ZNF385B: variants seen among roughly 807,000 people sequenced by gnomAD.
ZNF385B encodes the protein zinc finger protein 385B.
ZNF385B carries 23 observed loss-of-function variants against 39.2 expected under a neutral mutation model. The ratio of observed to expected loss-of-function variants is 0.59; its 90% CI spans 0.42 to 0.83. ZNF385B has a LOEUF of 0.83. Ranked by LOEUF, ZNF385B falls within the 40% of genes least tolerant of loss-of-function variation. The pLI is 0.00. For synonymous variants in ZNF385B, 205 were observed against 222.6 expected (o/e 0.92, Z 0.70); for missense variants, 552 against 598.9 (o/e 0.92, Z 0.82).
chr2:179,582,930 A>C (rs1414504121), intron 3 of ZNF385B, among the ~76,000 whole-genome samples: 1 of 152,008 alleles, frequency 6.6e-6, no homozygotes, highest in Non-Finnish European at 1.5e-5. Flanking sequence ...GTTCACTGCA[A>C]CCTCTGCCTC....
At chr2:179,814,284 T>C (rs1415435466) in intron 1 of ZNF385B, 1 of 234,732 alleles carries the variant, frequency 4.3e-6, no homozygotes, top group Admixed American at 5.4e-5. Context: ...CCACAGCAGC[T>C]GGCAGGTGGA....
At chr2:179,607,666 TAGTC>T (rs1324676617) in intron 3 of ZNF385B, among the ~76,000 whole-genome samples, 2 of 152,072 alleles carry the variant, frequency 1.3e-5, no homozygotes, top group Non-Finnish European at 2.9e-5. Context: ...CAGGAGGTCA[TAGTC>T]AGGGAGTCAG....
intron 3 of ZNF385B, among the ~76,000 whole-genome samples, chr2:179,614,000 T>A (rs1689519745): frequency 6.6e-6 from 1 of 152,108 alleles, no homozygotes; most frequent in African/African-American, 2.4e-5. Flanking sequence ...AGGGCAGCAC[T>A]GAGTTCCAAT....
intron 3 of ZNF385B, among the ~76,000 whole-genome samples, chr2:179,722,147 C>T (rs1397733072): frequency 6.6e-6 from 1 of 151,846 alleles, no homozygotes; most frequent in Non-Finnish European, 1.5e-5. Flanking sequence ...GTATATATAA[C>T]GAGATGTGTG....
intron 3 of ZNF385B, among the ~76,000 whole-genome samples, chr2:179,701,805 C>G (rs1221220535): frequency 6.6e-6 from 1 of 152,116 alleles, no homozygotes; most frequent in Non-Finnish European, 1.5e-5. Context: ...TTTTTAAAGC[C>G]AAAATTTGAA....
At chr2:179,535,452 TTTTTTG>T (rs2059502473) in intron 4 of ZNF385B, among the ~76,000 whole-genome samples, 1 of 152,202 alleles carries the variant, frequency 6.6e-6, no homozygotes, top group Non-Finnish European at 1.5e-5. Context: ...GATATTTAGA[TTTTTTG>T]TTTTTCCTTT....
At chr2:179,480,538 A>G (rs2053878070) in intron 6 of ZNF385B, among the ~76,000 whole-genome samples, 1 of 152,196 alleles carries the variant, frequency 6.6e-6, no homozygotes, top group Non-Finnish European at 1.5e-5. Context: ...TTAACAATAC[A>G]TTAGGTATTA....
At chr2:179,815,340 A>G (rs888543826) in intron 1 of ZNF385B, among the ~76,000 whole-genome samples, 1 of 152,222 alleles carries the variant, frequency 6.6e-6, no homozygotes, top group African/African-American at 2.4e-5. Flanking sequence ...GGAGCAGAAC[A>G]TTCACTGAAC....
At chr2:179,710,016 C>CTCCATT (rs1699887749) in intron 3 of ZNF385B, among the ~76,000 whole-genome samples, 1 of 152,178 alleles carries the variant, frequency 6.6e-6, no homozygotes, top group African/African-American at 2.4e-5. Flanking sequence ...TGGATGGAGG[C>CTCCATT]CCTGGATATT....
intron 6 of ZNF385B, among the ~76,000 whole-genome samples, chr2:179,464,292 G>A (rs2051721245): frequency 6.6e-6 from 1 of 152,152 alleles, no homozygotes; most frequent in Admixed American, 6.5e-5. Context: ...CTCCCATTCT[G>A]TAGGTTGCCT....
intron 6 of ZNF385B, among the ~76,000 whole-genome samples, chr2:179,468,105 G>T (rs1296889330): frequency 6.6e-6 from 1 of 152,162 alleles, no homozygotes; most frequent in African/African-American, 2.4e-5. Flanking sequence ...GTTGTACCTT[G>T]TGCCACTTTG....
intron 3 of ZNF385B, among the ~76,000 whole-genome samples, chr2:179,700,035 T>C (rs943905820): frequency 6.9e-6 from 1 of 145,858 alleles, no homozygotes; most frequent in African/African-American, 2.5e-5. Context: ...TAACATGTTT[T>C]TCAAAACATA....
At chr2:179,716,231 T>C (rs1700321638) in intron 3 of ZNF385B, among the ~76,000 whole-genome samples, 1 of 152,178 alleles carries the variant, frequency 6.6e-6, no homozygotes, top group South Asian at 2.1e-4. Flanking sequence ...AAGGTTTAAG[T>C]AAGAGGAGAG....
intron 3 of ZNF385B, among the ~76,000 whole-genome samples, chr2:179,670,518 T>A (rs1172100447): frequency 6.9e-6 from 1 of 144,266 alleles, no homozygotes; most frequent in Non-Finnish European, 1.5e-5. Context: ...AACTAATAGG[T>A]CTTGAAAATT....
chr2:179,493,744 T>C (rs1296275303), intron 5 of ZNF385B, among the ~76,000 whole-genome samples: 11 of 130,214 alleles, frequency 8.4e-5, no homozygotes, highest in African/African-American at 1.5e-4. Context: ...TATGTATACA[T>C]ATGTGTATAT....
chr2:179,685,466 G>C (rs1254115482), intron 3 of ZNF385B, among the ~76,000 whole-genome samples: 3 of 152,126 alleles, frequency 2.0e-5, no homozygotes, highest in African/African-American at 7.2e-5. Context: ...ATAATAAAAA[G>C]TTCATTGCAT....
intron 5 of ZNF385B, among the ~76,000 whole-genome samples, chr2:179,496,011 G>T (rs1271163989): frequency 6.6e-6 from 1 of 152,040 alleles, no homozygotes. Context: ...AAGACATCAG[G>T]CACCAATCCT....
At chr2:179,693,584 T>C (rs942300017) in intron 3 of ZNF385B, among the ~76,000 whole-genome samples, 2 of 152,178 alleles carry the variant, frequency 1.3e-5, no homozygotes, top group Non-Finnish European at 2.9e-5. Context: ...GATAACTAAT[T>C]AAAAAAATCC....
At chr2:179,793,774 CAGT>C (rs1705487253) in intron 1 of ZNF385B, among the ~76,000 whole-genome samples, 1 of 152,090 alleles carries the variant, frequency 6.6e-6, no homozygotes, top group African/African-American at 2.4e-5. Context: ...AGATGTGAGT[CAGT>C]GGTGCATACA....
Sources: gnomAD v4.1 joint callset for allele counts (sites outside exome capture counted in the v4.1 genomes callset) on GRCh38, gnomAD v4.1.1 for gene constraint, MANE v1.5 for transcripts, NCBI Gene and HGNC (gene_info 2026-07-23, HGNC 2026-07-21) for gene names.